The following TRPM1 variants were observed in gnomAD, a reference collection of about 807,000 sequenced individuals.
TRPM1 encodes the protein TRPM1-203 APA Isoform, Intron 10.
TRPM1 carries 113 observed loss-of-function variants against 149.4 expected under a neutral mutation model. The ratio of observed to expected loss-of-function variants is 0.76; its 90% CI spans 0.65 to 0.88. The LOEUF is 0.88. TRPM1 is among the 40% of genes least tolerant of loss of function. TRPM1 has a pLI of 0.00. For missense variants in TRPM1, 1,976 were observed against 2,038.7 expected (o/e 0.97, Z 0.59); for synonymous variants, 741 against 759.5 (o/e 0.98, Z 0.40).
chr15:31,095,664 G>A (rs558081372), intron 1 of TRPM1, among the ~76,000 whole-genome samples: 2 of 152,082 alleles, frequency 1.3e-5, no homozygotes, highest in South Asian at 2.1e-4. Flanking sequence ...CAGCCTGGGC[G>A]ACAGAGTGAG....
At chr15:31,135,804 C>T (rs981650750) in intron 1 of TRPM1, among the ~76,000 whole-genome samples, 2 of 152,158 alleles carry the variant, frequency 1.3e-5, no homozygotes, top group South Asian at 2.1e-4. Flanking sequence ...CACACCGGCT[C>T]CTCTTCCTCT....
chr15:31,002,044 C>G lies in TRPM1; in HGVS notation c.4656G>C (p.Gly1552=), dbSNP rs780812128. The change falls in exon 28 of 28, where the codon GGG becomes GGC. Residue 1552 remains glycine, a synonymous_variant. Coordinates refer to ENST00000256552, the MANE Select transcript of TRPM1 (RefSeq NM_001252024.2). ...GCTTCACAGACAGTAAGTTTTCCAT[C>G]CCATTTCTGTCAGTAATGGTTAGGG... is the stretch of plus-strand genomic sequence containing the variant. ...RLSLTITDRN[G]MENLLSVKPD... is the part of the protein sequence containing the mutation. 2 of 1,614,188 alleles carry G rather than the reference C, an allele frequency of 1.2e-6. No homozygotes were observed. The highest frequency in any genetic ancestry group is 1.7e-5 in the Admixed American group (1 of 60,028).
chr15:31,086,615 G>A (rs2035007293), intron 1 of TRPM1, among the ~76,000 whole-genome samples: 2 of 152,190 alleles, frequency 1.3e-5, no homozygotes, highest in South Asian at 4.1e-4. Context: ...GGGCTCCAGG[G>A]TCTGAGTGGA....
rs199597272 is a variant in TRPM1 at position 31,001,831 on chromosome 15, A to C, written c.4869T>G (p.Thr1623=). 8.7e-6 allele frequency: 14 copies of C among 1,611,132 alleles called. No individual in the cohort carries two copies. The highest frequency in any genetic ancestry group is 1.1e-5 in the Non-Finnish European group (13 of 1,179,850). ...KVKKEKASTE[T]EC ...AAAGAAACAAAACAGACTAGCATTC[A>C]GTTTCTGTGGAAGCTTTCTCTTTCT... is the stretch of plus-strand genomic sequence containing the variant. Residue 1623 remains threonine (T), a synonymous_variant, in exon 28 of 28, where the codon ACT becomes ACG. Coordinates refer to ENST00000256552, the MANE Select transcript of TRPM1 (RefSeq NM_001252024.2).
At chr15:31,061,946 C>A (rs773042607) in intron 9 of TRPM1, among the ~76,000 whole-genome samples, 1 of 152,176 alleles carries the variant, frequency 6.6e-6, no homozygotes, top group Non-Finnish European at 1.5e-5. Context: ...TCTCAGCCCC[C>A]CAAAGTGCTG....
At chr15:31,130,492 C>T (rs783028) in intron 1 of TRPM1, among the ~76,000 whole-genome samples, 104,515 of 152,132 alleles carry the variant, frequency 0.69, 36,105 homozygotes, top group East Asian at 0.79. Flanking sequence ...AATCTGCCTT[C>T]GTAGGACTAA....
chr15:31,037,801 C>T lies in TRPM1; in HGVS notation c.2481G>A (p.Glu827=). The T allele has an allele frequency of 6.2e-7, 1 of 1,614,212 alleles. No individual in the cohort carries two copies. The highest frequency in any genetic ancestry group is 8.5e-7 in the Non-Finnish European group (1 of 1,180,040). The change falls in exon 20 of 28, where the codon GAG becomes GAA. Residue 827 remains glutamate (E), a synonymous_variant. Coordinates refer to ENST00000256552, the MANE Select transcript of TRPM1 (RefSeq NM_001252024.2). Reference sequence around the variant, plus strand: ...TACTTCTCTGTTTTTTGTGCTCGTTCTCCTCATCCCCCTTTCTTGAGCCAG... The same window carrying T: ...TACTTCTCTGTTTTTTGTGCTCGTTTTCCTCATCCCCCTTTCTTGAGCCAG... ...ADAGSRKGDE[E]NEHKKQRSIP...
At chr15:31,155,246 G>A (rs2036352752) in intron 1 of TRPM1, among the ~76,000 whole-genome samples, 1 of 152,194 alleles carries the variant, frequency 6.6e-6, no homozygotes, top group Admixed American at 6.5e-5. Context: ...CGGGCCCAGG[G>A]AGAGGTGAGA....
intron 1 of TRPM1, among the ~76,000 whole-genome samples, chr15:31,124,654 CAAAA>C (rs57964365): frequency 1.2e-5 from 1 of 86,410 alleles, no homozygotes; most frequent in African/African-American, 4.1e-5. Context: ...GACTCTGTCT[CAAAA>C]AAAAAAAAAA....
At chr15:31,085,989 T>C (rs1384403294) in intron 1 of TRPM1, among the ~76,000 whole-genome samples, 1 of 152,160 alleles carries the variant, frequency 6.6e-6, no homozygotes, top group East Asian at 1.9e-4. Flanking sequence ...TGGGACTAAC[T>C]TGTACGATCA....
intron 22 of TRPM1, 122 bp from the exon 23 acceptor site, chr15:31,031,279 T>G: frequency 9.4e-7 from 1 of 1,061,286 alleles, no homozygotes; most frequent in South Asian, 1.3e-5. Flanking sequence ...GAAGAAAGCC[T>G]CTTTCCCTTC....
In TRPM1 at chr15:31,054,815, A is replaced by G. The variant is rs147544288; in HGVS notation, c.1264-4233T>C. 2.2e-4 allele frequency among the ~76,000 whole-genome samples: 34 copies of G among 152,310 alleles called. No individual in the cohort carries two copies. In the East Asian group the frequency reaches 5.0e-3, roughly 22 times the overall value. On this transcript the variant is annotated intron_variant, in intron 11 of 27. Coordinates refer to ENST00000256552, the MANE Select transcript of TRPM1 (RefSeq NM_001252024.2). ...GAGAACATTTAAAATCTACTCTTTT[A>G]GCAATTTTCAAGTGCACTATACATT...
intron 1 of TRPM1, among the ~76,000 whole-genome samples, chr15:31,109,158 G>C (rs2035648211): frequency 6.6e-6 from 1 of 151,862 alleles, no homozygotes; most frequent in African/African-American, 2.4e-5. Context: ...TAAAGGGAGA[G>C]GGAGCTTTCA....
At chr15:31,063,419 G>A in intron 7 of TRPM1, 127 bp from the exon 8 acceptor site, 1 of 1,191,862 alleles carries the variant, frequency 8.4e-7, no homozygotes, top group Admixed American at 1.8e-5. Context: ...CTGGCTGGAA[G>A]GAATTCAGGC....
intron 1 of TRPM1, among the ~76,000 whole-genome samples, chr15:31,086,679 G>A (rs1229282323): frequency 1.3e-5 from 2 of 152,162 alleles, no homozygotes; most frequent in Non-Finnish European, 2.9e-5. Context: ...GGTGGAACCT[G>A]GCCCAGAAAC....
rs998493706 is a variant in TRPM1 at position 31,161,108 on chromosome 15, G to C, written c.-149C>G. 5 of 755,952 alleles carry C rather than the reference G, an allele frequency of 6.6e-6. No individual in the cohort carries two copies. The African/African-American group carries it at 8.7e-5, about 13-fold the overall frequency. The allele number at this position is 755,952 out of a possible 1,614,324, so 46.8% of individuals were successfully genotyped here. ...GGCGGCAGCCCCACGCACTGGGCGA[G>C]GGGGCCGAGATCCTGGGGCGAGGCC... On this transcript the variant is annotated 5_prime_UTR_variant, in exon 1 of 27. Coordinates refer to the TRPM1 transcript ENST00000542188.
Position 31,032,874 on chromosome 15 carries a change from T to C in TRPM1, c.2767A>G (p.Ile923Val). 5 of 1,614,250 alleles carry C rather than the reference T, an allele frequency of 3.1e-6. No individual in the cohort carries two copies. The highest frequency in any genetic ancestry group is 4.2e-6 in the Non-Finnish European group (5 of 1,180,046). ...GTGGAAATGGCCACGAGATCTGTGA[T>C]GTTCCAGTACTCCTGAAGCCAAACT... ...IKVWLQEYWN[I>V]TDLVAISTFM... Residue 923 changes from isoleucine to valine, a missense_variant, in exon 22 of 28, where the codon ATC becomes GTC. Transcript: ENST00000256552.
At chr15:31,041,661 A>G (rs145339244) in intron 17 of TRPM1, among the ~76,000 whole-genome samples, 83 of 152,304 alleles carry the variant, frequency 5.4e-4, no homozygotes, top group Middle Eastern at 3.4e-3. Flanking sequence ...GTGTTTCCCT[A>G]TGGAAATTAA....
At chr15:31,118,235 G>A (rs979032086) in intron 1 of TRPM1, among the ~76,000 whole-genome samples, 5 of 152,142 alleles carry the variant, frequency 3.3e-5, no homozygotes, top group African/African-American at 1.2e-4. Context: ...TCCAGCCTGG[G>A]TGACAGAGCC....
Sources: allele counts gnomAD v4.1 joint callset (sites outside exome capture counted in the v4.1 genomes callset), GRCh38; gene constraint gnomAD v4.1.1; transcripts MANE v1.5; gene names NCBI Gene and HGNC (gene_info 2026-07-23, HGNC 2026-07-21).